Variants in TMEM132D observed in about 807,000 individuals in gnomAD.
TMEM132D encodes transmembrane protein 132D.
Under a neutral mutation model 62.3 loss-of-function variants are expected in TMEM132D, and 21 were observed. The ratio of observed to expected loss-of-function variants is 0.34; its 90% CI spans 0.24 to 0.49. The LOEUF is 0.49. Ranked by LOEUF, TMEM132D falls within the 20% of genes least tolerant of loss-of-function variation. TMEM132D has a pLI of 0.99. For synonymous variants in TMEM132D, 621 were observed against 575.6 expected, an observed-to-expected ratio of 1.08 and a Z score of -1.13; for missense variants, 1,346 against 1,402.8, an observed-to-expected ratio of 0.96 and a Z score of 0.65.
chr12:129,285,628 GA>G (rs1881275296), intron 4 of TMEM132D, among the ~76,000 whole-genome samples: 1 of 151,822 alleles, frequency 6.6e-6, no homozygotes, highest in Non-Finnish European at 1.5e-5. Flanking sequence ...CTTGACTGGG[GA>G]AAAAATATAC....
chr12:129,624,499 G>A (rs974101129), intron 2 of TMEM132D, among the ~76,000 whole-genome samples: 30 of 152,200 alleles, frequency 2.0e-4, no homozygotes, highest in African/African-American at 7.0e-4. Flanking sequence ...AGCTTGGGGA[G>A]ATAATGGTCA....
intron 3 of TMEM132D, among the ~76,000 whole-genome samples, chr12:129,405,278 A>G (rs1871747084): frequency 1.3e-5 from 2 of 151,974 alleles, no homozygotes; most frequent in Admixed American, 6.5e-5. Flanking sequence ...AGACAGACAG[A>G]AAGCTTTCTG....
intron 2 of TMEM132D, among the ~76,000 whole-genome samples, chr12:129,664,740 A>T (rs1315898506): frequency 2.6e-5 from 4 of 152,058 alleles, no homozygotes; most frequent in East Asian, 1.9e-4. Flanking sequence ...GAATATTTTT[A>T]AAATGTCAAA....
chr12:129,099,138 T>C (rs2135634061), intron 5 of TMEM132D, among the ~76,000 whole-genome samples: 1 of 152,304 alleles, frequency 6.6e-6, no homozygotes, highest in African/African-American at 2.4e-5. Context: ...CACTGCCCAT[T>C]CCTCAAGCCC....
intron 1 of TMEM132D, among the ~76,000 whole-genome samples, chr12:129,808,670 A>G (rs1012283993): frequency 2.6e-5 from 4 of 152,220 alleles, no homozygotes; most frequent in African/African-American, 9.6e-5. Context: ...CAAACCTGAA[A>G]CCAAGAAACC....
chr12:129,286,030 A>G (rs1384052609), intron 4 of TMEM132D, among the ~76,000 whole-genome samples: 2 of 152,236 alleles, frequency 1.3e-5, no homozygotes, highest in African/African-American at 4.8e-5. Flanking sequence ...TGCTAACAAG[A>G]AAGATTTATT....
At chr12:129,887,129 T>C (rs1874773309) in intron 1 of TMEM132D, among the ~76,000 whole-genome samples, 1 of 152,124 alleles carries the variant, frequency 6.6e-6, no homozygotes, top group Non-Finnish European at 1.5e-5. Context: ...ATTTCTCCAC[T>C]CTAAGAAACA....
chr12:129,837,460 C>T (rs533769613), intron 1 of TMEM132D, among the ~76,000 whole-genome samples: 1 of 152,286 alleles, frequency 6.6e-6, no homozygotes, highest in African/African-American at 2.4e-5. Context: ...AAACTTTCTA[C>T]AGTTGCAGGT....
chr12:129,149,762 G>A (rs894609319), intron 5 of TMEM132D, among the ~76,000 whole-genome samples: 4 of 152,322 alleles, frequency 2.6e-5, no homozygotes, highest in East Asian at 1.9e-4. Context: ...ACACTGGGGG[G>A]CTGGGAGCCA....
At chr12:129,502,911 C>T (rs1430051212) in intron 3 of TMEM132D, among the ~76,000 whole-genome samples, 8 of 152,188 alleles carry the variant, frequency 5.3e-5, no homozygotes, top group African/African-American at 1.7e-4. Context: ...TGTTCCCAGG[C>T]TTATTTATTT....
At chr12:129,623,137 G>A (rs1287017889) in intron 2 of TMEM132D, among the ~76,000 whole-genome samples, 2 of 152,184 alleles carry the variant, frequency 1.3e-5, no homozygotes, top group Non-Finnish European at 2.9e-5. Flanking sequence ...CCTGAAGCAA[G>A]GAGCATGCTT....
At chr12:129,805,512 C>T (rs1346458926) in intron 1 of TMEM132D, among the ~76,000 whole-genome samples, 1 of 152,114 alleles carries the variant, frequency 6.6e-6, no homozygotes, top group Non-Finnish European at 1.5e-5. Flanking sequence ...AAACTGGATC[C>T]CTTCCTTACA....
intron 4 of TMEM132D, among the ~76,000 whole-genome samples, chr12:129,240,994 C>A (rs903731925): frequency 6.6e-6 from 1 of 152,068 alleles, no homozygotes; most frequent in African/African-American, 2.4e-5. Flanking sequence ...TCGCAACCCA[C>A]AAACTCCCTC....
rs570378146 is a variant in TMEM132D, at chr12:129,755,542, A to G, written c.80-54844T>C. Among the ~76,000 whole-genome samples, 7 of 152,316 alleles carry G rather than the reference A, an allele frequency of 4.6e-5. No homozygotes were observed. In the South Asian group the frequency reaches 1.5e-3, roughly 32 times the overall value. On this transcript the variant is annotated intron_variant, in intron 1 of 8. Transcript: ENST00000422113. ...TCGCTCATCAGGGTCTGGTGGTTTC[A>G]GAGGCAAACAAAGCAAATTGGTGCC...
intron 3 of TMEM132D, among the ~76,000 whole-genome samples, chr12:129,470,560 C>T (rs961842026): frequency 1.3e-5 from 2 of 152,264 alleles, no homozygotes; most frequent in African/African-American, 2.4e-5. Context: ...CAGGTGAGGA[C>T]ATCGCTGCTT....
At position 129,081,669 on chromosome 12, in the gene TMEM132D, C is replaced by T. The variant is rs377585403; in HGVS notation, c.1923+90G>A. On this transcript the variant is annotated intron_variant, in intron 7 of 8. Coordinates refer to ENST00000422113, the MANE Select transcript of TMEM132D (RefSeq NM_133448.3). ...TCCTAAAAATAGATACCATTCCCAG[C>T]AATGACAAACAGCTGGTTTCTCCTC... The T allele has an allele frequency of 2.3e-5, 34 of 1,482,016 alleles. No homozygotes were observed. The African/African-American group carries it at 4.4e-4, about 19-fold the overall frequency. 91.8% of individuals were successfully genotyped at this position (1,482,016 alleles called of 1,614,324 possible).
chr12:129,347,866 A>T (rs1044868974), intron 3 of TMEM132D, among the ~76,000 whole-genome samples: 4 of 152,230 alleles, frequency 2.6e-5, no homozygotes, highest in Non-Finnish European at 5.9e-5. Context: ...ATTTACAAGA[A>T]AAAAACAACC....
At chr12:129,333,711 T>C (rs1187717649) in intron 4 of TMEM132D, among the ~76,000 whole-genome samples, 2 of 152,110 alleles carry the variant, frequency 1.3e-5, no homozygotes, top group South Asian at 4.1e-4. Context: ...CTCTCCAGCC[T>C]CCCTTGCAGC....
chr12:129,756,329 C>G (rs1283130662), intron 1 of TMEM132D, among the ~76,000 whole-genome samples: 1 of 152,080 alleles, frequency 6.6e-6, no homozygotes, highest in Non-Finnish European at 1.5e-5. Context: ...ATATCCACAC[C>G]ATGGAATATT....
Sources: allele counts gnomAD v4.1 joint callset (sites outside exome capture counted in the v4.1 genomes callset), GRCh38; gene constraint gnomAD v4.1.1; transcripts MANE v1.5; gene names NCBI Gene and HGNC (gene_info 2026-07-23, HGNC 2026-07-21).